GRIA4: variants seen among roughly 807,000 people sequenced by gnomAD.
GRIA4 encodes glutamate ionotropic receptor AMPA type subunit 4.
In GRIA4, 34 loss-of-function variants were observed where a neutral mutation model predicts 104.0. That is an observed-to-expected ratio of 0.33 (90% confidence interval 0.25 to 0.44). The LOEUF is 0.44. Among genes scored for constraint, GRIA4 ranks in the 20% least tolerant of loss-of-function variants. The probability of loss-of-function intolerance (pLI) is 1.00; values close to 1 mark genes in which losing one functional copy is unlikely to be tolerated. For synonymous variants in GRIA4, 386 were observed against 381.9 expected, an observed-to-expected ratio of 1.01 and a Z score of -0.13; for missense variants, 750 against 1,096.5, an observed-to-expected ratio of 0.68 and a Z score of 4.46.
At chr11:105,944,472 T>C (rs926931909) in intron 14 of GRIA4, among the ~76,000 whole-genome samples, 2 of 152,016 alleles carry the variant, frequency 1.3e-5, no homozygotes, top group African/African-American at 4.8e-5. Flanking sequence ...TCTCTGAAAT[T>C]ATGCCAAAGG....
At chr11:105,858,387 G>A (rs761282201) in intron 4 of GRIA4, among the ~76,000 whole-genome samples, 2 of 152,000 alleles carry the variant, frequency 1.3e-5, no homozygotes, top group Non-Finnish European at 2.9e-5. Context: ...TAGGTACATA[G>A]TAGCTGTGTA....
At chr11:105,774,037 T>C (rs954535413) in intron 4 of GRIA4, among the ~76,000 whole-genome samples, 4 of 151,692 alleles carry the variant, frequency 2.6e-5, no homozygotes, top group African/African-American at 9.7e-5. Context: ...ATATGTTTTA[T>C]GGAACATTTA....
intron 3 of GRIA4, among the ~76,000 whole-genome samples, chr11:105,703,726 T>C (rs1953589916): frequency 1.3e-5 from 2 of 152,142 alleles, no homozygotes; most frequent in African/African-American, 4.8e-5. Context: ...AAGACTATGA[T>C]TTTATTTTTA....
intron 3 of GRIA4, among the ~76,000 whole-genome samples, chr11:105,636,996 A>T (rs1473091212): frequency 6.6e-6 from 1 of 152,196 alleles, no homozygotes. Flanking sequence ...GTTGCAATAC[A>T]AAATGATTTT....
At chr11:105,911,941 C>G (rs1475340031) in intron 10 of GRIA4, 1 of 1,545,738 alleles carries the variant, frequency 6.5e-7, no homozygotes, top group Non-Finnish European at 8.8e-7. Context: ...GCTGTTCGAC[C>G]ATTCCTAACT....
intron 4 of GRIA4, among the ~76,000 whole-genome samples, chr11:105,821,377 A>T (rs1396359423): frequency 6.6e-6 from 1 of 152,064 alleles, no homozygotes; most frequent in African/African-American, 2.4e-5. Context: ...AAACTGGGTG[A>T]TTTATAAAGA....
chr11:105,941,867 T>C (rs111775774), intron 14 of GRIA4, among the ~76,000 whole-genome samples: 3 of 152,214 alleles, frequency 2.0e-5, no homozygotes, highest in African/African-American at 4.8e-5. Context: ...TTGGTCCTGA[T>C]AGATAAGCGG....
intron 4 of GRIA4, among the ~76,000 whole-genome samples, chr11:105,813,832 C>T (rs1474489217): frequency 6.6e-6 from 1 of 151,898 alleles, no homozygotes; most frequent in Non-Finnish European, 1.5e-5. Context: ...AATGACAGAT[C>T]ATAACAGCAT....
Position 105,623,765 on chromosome 11 carries a change from TC to T in GRIA4, c.247+11332del, listed in dbSNP as rs199862954. 5.4e-3 allele frequency among the ~76,000 whole-genome samples: 816 copies of T among 151,922 alleles called. 12 individuals are homozygous for T. The highest frequency in any genetic ancestry group is 0.019 in the African/African-American group (774 of 41,330). ...TATCACATTGCCAACCTAATGATCA[TC>T]TTTTTTTTATCACAATCTGTAACTA... On this transcript the variant is annotated intron_variant, in intron 3 of 16. Coordinates refer to ENST00000282499, the MANE Select transcript of GRIA4 (RefSeq NM_000829.4).
intron 14 of GRIA4, among the ~76,000 whole-genome samples, chr11:105,952,674 T>C (rs1024072340): frequency 1.3e-5 from 2 of 152,166 alleles, no homozygotes; most frequent in Non-Finnish European, 2.9e-5. Context: ...CAGCTCTCCT[T>C]GACTCAACTT....
At chr11:105,722,809 A>T (rs1434717436) in intron 3 of GRIA4, among the ~76,000 whole-genome samples, 1 of 152,128 alleles carries the variant, frequency 6.6e-6, no homozygotes, top group Non-Finnish European at 1.5e-5. Flanking sequence ...ATAAGTAAAA[A>T]TTTAGATAAA....
intron 14 of GRIA4, among the ~76,000 whole-genome samples, chr11:105,951,750 G>C (rs1159958244): frequency 6.6e-6 from 1 of 152,056 alleles, no homozygotes; most frequent in Non-Finnish European, 1.5e-5. Flanking sequence ...TTCAGCCCAG[G>C]AGTTCGAGAC....
In GRIA4 at chr11:105,642,453, G is replaced by T. The variant is rs188433403; in HGVS notation, c.247+30019G>T. ...TCCTGAAAGGTTAGAGGTGACCCTT[G>T]CTCCTAAGTTGGGGCCTAAATCTTG... On this transcript the variant is annotated intron_variant, in intron 3 of 16. Coordinates refer to ENST00000282499, the MANE Select transcript of GRIA4 (RefSeq NM_000829.4). Among the ~76,000 whole-genome samples the T allele has an allele frequency of 5.5e-3, 803 of 144,868 alleles. 11 individuals carry two copies. The highest frequency in any genetic ancestry group is 0.019 in the African/African-American group (737 of 39,050).
At chr11:105,928,053 CA>C (rs760793078) in intron 13 of GRIA4, among the ~76,000 whole-genome samples, 13 of 151,906 alleles carry the variant, frequency 8.6e-5, no homozygotes, top group Non-Finnish European at 1.8e-4. Context: ...TCACTCAATT[CA>C]GCTTAACAAT....
In GRIA4 at chr11:105,661,981, A is replaced by G. The variant is rs1043033696; in HGVS notation, c.247+49547A>G. On this transcript the variant is annotated intron_variant, in intron 3 of 16. Coordinates refer to ENST00000282499, the MANE Select transcript of GRIA4 (RefSeq NM_000829.4). Reference sequence around the variant, plus strand: ...CAAAGTTGGATTAATAAGACCTTCAATGAAGAAAACTGTGTGTGTGTGTGT... The same window carrying G: ...CAAAGTTGGATTAATAAGACCTTCAGTGAAGAAAACTGTGTGTGTGTGTGT... Among the ~76,000 whole-genome samples the G allele has an allele frequency of 2.1e-5, 3 of 139,896 alleles. No individual in the cohort carries two copies. The East Asian group carries it at 6.3e-4, about 29-fold the overall frequency. 91.8% of individuals were successfully genotyped at this position (139,896 alleles called of 152,430 possible).
chr11:105,688,639 A>T (rs558288872), intron 3 of GRIA4, among the ~76,000 whole-genome samples: 1 of 152,336 alleles, frequency 6.6e-6, no homozygotes, highest in African/African-American at 2.4e-5. Flanking sequence ...AATATATATT[A>T]AGCTACTAAT....
chr11:105,886,901 A>G (rs996143493), intron 5 of GRIA4, among the ~76,000 whole-genome samples: 3 of 151,740 alleles, frequency 2.0e-5, no homozygotes, highest in African/African-American at 7.2e-5. Context: ...TTCTGAAAAC[A>G]TTCTCAGAAA....
At chr11:105,652,144 C>T (rs1465837246) in intron 3 of GRIA4, among the ~76,000 whole-genome samples, 1 of 152,044 alleles carries the variant, frequency 6.6e-6, no homozygotes, top group African/African-American at 2.4e-5. Context: ...AAACATTCAG[C>T]ATTTTCATTG....
rs112918910 is a variant in GRIA4 at position 105,858,282 on chromosome 11, T to C, written c.488-3742T>C. ...TGGATAGTTTACCTATCGGTTTTCC[T>C]AGATAGTAAATTCTTTGTAAAGACA... On this transcript the variant is annotated intron_variant, in intron 4 of 16. Transcript: ENST00000282499. 5.5e-4 allele frequency among the ~76,000 whole-genome samples: 84 copies of C among 152,294 alleles called. 1 individual carries two copies. Among genetic ancestry groups the C allele is most frequent in the African/African-American group, 2.0e-3 (82 of 41,584 alleles).
Sources: allele counts gnomAD v4.1 joint callset (sites outside exome capture counted in the v4.1 genomes callset), GRCh38; gene constraint gnomAD v4.1.1; transcripts MANE v1.5; gene names NCBI Gene and HGNC (gene_info 2026-07-23, HGNC 2026-07-21).